TALDO1: variants seen among roughly 807,000 people sequenced by gnomAD.
TALDO1 encodes transaldolase.
In TALDO1, 29 loss-of-function variants were observed where a neutral mutation model predicts 38.1. That is an observed-to-expected ratio of 0.76 (90% CI 0.57 to 1.04). The LOEUF is 1.04. TALDO1 is among the 50% of genes least tolerant of loss of function. The pLI, the probability that TALDO1 is intolerant of heterozygous loss-of-function variation, is 0.00. For missense variants in TALDO1, 499 were observed against 438.1 expected, an observed-to-expected ratio of 1.14 and a Z score of -1.24; for synonymous variants, 207 against 176.8, an observed-to-expected ratio of 1.17 and a Z score of -1.36.
In TALDO1 at chr11:764,883, G is replaced by C. The variant is rs1863023231; in HGVS notation, c.*38G>C. On this transcript the variant is annotated 3_prime_UTR_variant, in exon 8 of 8. Coordinates refer to ENST00000319006, the MANE Select transcript of TALDO1 (RefSeq NM_006755.2). ...GCTGGACTCCAGATCTGCACCGCCG[G>C]CCAGCTGGGATCTGACTGCACGTGG... is the stretch of plus-strand genomic sequence containing the variant. 6.2e-7 allele frequency: 1 copy of C among 1,613,684 alleles called. No individual in the cohort carries two copies. Among genetic ancestry groups the C allele is most frequent in the African/African-American group, 1.3e-5 (1 of 75,056 alleles).
At chr11:763,019 G>A (rs1003706055) in intron 4 of TALDO1, among the ~76,000 whole-genome samples, 2 of 152,180 alleles carry the variant, frequency 1.3e-5, no homozygotes, top group East Asian at 1.9e-4. Flanking sequence ...GTGTCATGTG[G>A]GTTGGAGAAA....
intron 4 of TALDO1, among the ~76,000 whole-genome samples, chr11:761,335 CAAA>C (rs71022968): frequency 2.4e-5 from 2 of 82,062 alleles, no homozygotes; most frequent in Non-Finnish European, 5.0e-5. Flanking sequence ...GACTCCATCT[CAAA>C]AAAAAAAAAA....
chr11:754,242 C>T (rs544858359), intron 1 of TALDO1, among the ~76,000 whole-genome samples: 1 of 152,160 alleles, frequency 6.6e-6, no homozygotes, highest in East Asian at 1.9e-4. Context: ...CCGTTGGCCT[C>T]CCAAAGTGCT....
In TALDO1 at chr11:751,256, G is replaced by T. The variant is rs118082696; in HGVS notation, c.97+3678G>T. 2.6e-4 allele frequency among the ~76,000 whole-genome samples: 40 copies of T among 152,200 alleles called. No homozygotes were observed. The East Asian group carries it at 7.5e-3, about 29-fold the overall frequency. On this transcript the variant is annotated intron_variant, in intron 1 of 7. Transcript: ENST00000319006. Reference sequence around the variant, plus strand: ...AATCCTTGCTGAAGATAACCATGTGGTATCTGTGTTGAAGTCAAAATAAAA... The same window carrying T: ...AATCCTTGCTGAAGATAACCATGTGTTATCTGTGTTGAAGTCAAAATAAAA...
chr11:758,729 C>T (rs1380601341), intron 2 of TALDO1, among the ~76,000 whole-genome samples: 1 of 152,004 alleles, frequency 6.6e-6, no homozygotes, highest in Non-Finnish European at 1.5e-5. Flanking sequence ...CTCAGCCTCC[C>T]TAGTAACTAG....
intron 2 of TALDO1, among the ~76,000 whole-genome samples, chr11:758,469 A>G (rs1862878888): frequency 1.3e-5 from 2 of 152,046 alleles, no homozygotes; most frequent in South Asian, 2.1e-4. Flanking sequence ...ATAAGATGGG[A>G]AATTTTATGT....
intron 1 of TALDO1, among the ~76,000 whole-genome samples, chr11:749,946 C>T (rs1483025315): frequency 7.2e-5 from 11 of 152,152 alleles, no homozygotes; most frequent in Non-Finnish European, 1.5e-5. Context: ...CCATACAGTC[C>T]TGTGAACCCT....
intron 2 of TALDO1, 41 bp downstream of exon 2, chr11:756,043 T>G: frequency 6.3e-7 from 1 of 1,599,186 alleles, no homozygotes; most frequent in Non-Finnish European, 8.5e-7. Context: ...TAGGCCCTCG[T>G]GCTAGTCTAG....
Position 756,005 on chromosome 11 carries a change from G to A in TALDO1, c.221+3G>A. 3 of 1,612,272 alleles carry A rather than the reference G, an allele frequency of 1.9e-6. No individual in the cohort carries two copies. Among genetic ancestry groups the A allele is most frequent in the Middle Eastern group, 1.8e-4 (1 of 5,414 alleles). On this transcript the variant is annotated splice_donor_region_variant and intron_variant, in intron 2 of 7. Transcript: ENST00000319006. ...GCCTATGGCCGGAAGCTGGGCGGGTGAGTGCCTGGACTCGGGAGGGTCCCA... is the reference window on the plus strand; with the variant it reads ...GCCTATGGCCGGAAGCTGGGCGGGTAAGTGCCTGGACTCGGGAGGGTCCCA...
intron 1 of TALDO1, chr11:752,379 C>T (rs374137530): frequency 6.6e-6 from 1 of 152,410 alleles, no homozygotes; most frequent in African/African-American, 2.4e-5. Context: ...CGCGCCCGGC[C>T]GTCTACTTGC....
intron 1 of TALDO1, among the ~76,000 whole-genome samples, chr11:748,830 C>T (rs1001590167): frequency 6.6e-6 from 1 of 152,228 alleles, no homozygotes; most frequent in Non-Finnish European, 1.5e-5. Flanking sequence ...CCAGACCTCT[C>T]TTCATAAGAA....
chr11:757,133 CCT>C (rs1374385173), intron 2 of TALDO1, among the ~76,000 whole-genome samples: 1 of 152,084 alleles, frequency 6.6e-6, no homozygotes, highest in Non-Finnish European at 1.5e-5. Flanking sequence ...CTGACCCTCT[CCT>C]CTCTCTTCTT....
At chr11:758,210 G>T (rs375638319) in intron 2 of TALDO1, among the ~76,000 whole-genome samples, 1 of 152,160 alleles carries the variant, frequency 6.6e-6, no homozygotes, top group Non-Finnish European at 1.5e-5. Context: ...CGTGAACCGC[G>T]GGGGGCAGAG....
intron 6 of TALDO1, 27 bp downstream of exon 6, chr11:763,971 T>C (rs780886871): frequency 6.2e-7 from 1 of 1,602,398 alleles, no homozygotes; most frequent in South Asian, 1.1e-5. Flanking sequence ...CAGCTGTGGC[T>C]CCTGCTCGGG....
At chr11:761,029 T>C (rs1341263408) in intron 4 of TALDO1, 4 of 151,496 alleles carry the variant, frequency 2.6e-5, no homozygotes, top group African/African-American at 9.7e-5. Context: ...AGACTCTGTC[T>C]CAAAAAGAAA....
chr11:761,437 GTTC>G (rs1361014518), intron 4 of TALDO1, among the ~76,000 whole-genome samples: 1 of 151,234 alleles, frequency 6.6e-6, no homozygotes, highest in Non-Finnish European at 1.5e-5. Context: ...GGAAGTTGAG[GTTC>G]CAGTAGCTAT....
rs1309216540 is a variant in TALDO1, at chr11:763,556, A to G, written c.637+37A>G. The G allele has an allele frequency of 1.9e-6, 3 of 1,611,786 alleles. No homozygotes were observed. In the South Asian group the frequency reaches 3.3e-5, roughly 18 times the overall value. ...TCTGTGGTAATGGGGTAAGGGGAGC[A>G]GCCTCAGCAGCACCTCAGGCAGGAA... On this transcript the variant is annotated intron_variant, in intron 5 of 7. Transcript: ENST00000319006.
rs753787975 is a variant in TALDO1 at position 764,383 on chromosome 11, G to A, written c.931G>A (p.Gly311Arg). 1.3e-5 allele frequency: 21 copies of A among 1,613,552 alleles called. No individual in the cohort carries two copies. Among genetic ancestry groups the A allele is most frequent in the South Asian group, 2.2e-5 (2 of 91,080 alleles). ...DQMAVEKLSDGIRKFAADAVK... is the reference protein window; with the variant it reads ...DQMAVEKLSDRIRKFAADAVK... ...GATGGCTGTGGAGAAGCTCTCTGAC[G>A]GGATCCGCAAGTTTGCCGCTGATGC... is the stretch of plus-strand genomic sequence containing the variant. Residue 311 changes from glycine to arginine, a missense_variant, in exon 7 of 8, where the codon GGG becomes AGG. Physicochemically the swap from Gly to Arg is moderately radical, Grantham distance 125. Coordinates refer to ENST00000319006, the MANE Select transcript of TALDO1 (RefSeq NM_006755.2).
chr11:764,421 GCGGATGCTGA>G lies in TALDO1; in HGVS notation c.971_980del (p.Arg324GlnfsTer35). Reference sequence around the variant, plus strand: ...TTGCCGCTGATGCAGTGAAGCTGGAGCGGATGCTGACAGTGAGTGTTGTGTGTGGGTACCT... The same window carrying G: ...TTGCCGCTGATGCAGTGAAGCTGGAGCAGTGAGTGTTGTGTGTGGGTACCT... On this transcript the variant is annotated frameshift_variant and splice_region_variant, in exon 7 of 8. Coordinates refer to ENST00000319006, the MANE Select transcript of TALDO1 (RefSeq NM_006755.2). LOFTEE classifies it high-confidence loss of function. 1 of 1,614,224 alleles carries G rather than the reference GCGGATGCTGA, an allele frequency of 6.2e-7. No individual in the cohort carries two copies. Among genetic ancestry groups the G allele is most frequent in the Non-Finnish European group, 8.5e-7 (1 of 1,180,032 alleles).
Sources: gnomAD v4.1 joint callset for allele counts (sites outside exome capture counted in the v4.1 genomes callset) on GRCh38, gnomAD v4.1.1 for gene constraint, MANE v1.5 for transcripts, NCBI Gene and HGNC (gene_info 2026-07-23, HGNC 2026-07-21) for gene names.